RSRC1: variants seen among roughly 807,000 people sequenced by gnomAD.
The protein encoded by RSRC1 is arginine and serine rich coiled-coil 1.
A neutral mutation model predicts 49.1 loss-of-function variants in RSRC1; 39 were observed. The observed-to-expected ratio is 0.79, with a 90% CI of 0.61 to 1.04. The LOEUF (loss-of-function observed/expected upper bound fraction) is 1.04. Among genes scored for constraint, RSRC1 ranks in the 50% least tolerant of loss-of-function variants. RSRC1 has a pLI of 0.00. For missense variants in RSRC1, 388 were observed against 402.4 expected, an observed-to-expected ratio of 0.96 and a Z score of 0.31; for synonymous variants, 143 against 130.8, an observed-to-expected ratio of 1.09 and a Z score of -0.63.
chr3:158,381,217 CAG>C (rs1183583568), intron 6 of RSRC1, among the ~76,000 whole-genome samples: 2 of 152,098 alleles, frequency 1.3e-5, no homozygotes, highest in Admixed American at 6.5e-5. Context: ...GAAAGGGAAA[CAG>C]ATGTAAAGAT....
intron 6 of RSRC1, among the ~76,000 whole-genome samples, chr3:158,443,028 A>G (rs1736468863): frequency 6.6e-6 from 1 of 152,136 alleles, no homozygotes; most frequent in Non-Finnish European, 1.5e-5. Context: ...TCAAATAATC[A>G]TAAACCATGC....
Position 158,505,250 on chromosome 3 carries a change from G to A in RSRC1, c.653-31842G>A, listed in dbSNP as rs181015768. ...CTTTTTTATGAAGTAGTCTTCTGTG[G>A]GATTCATACTGCTTATAATTGTGAT... On this transcript the variant is annotated intron_variant, in intron 7 of 9. Transcript: ENST00000611884. Among the ~76,000 whole-genome samples, 15 of 152,118 alleles carry A rather than the reference G, an allele frequency of 9.9e-5. No homozygotes were observed. The East Asian group carries it at 2.7e-3, about 27-fold the overall frequency.
chr3:158,122,005 TA>T, intron 1 of RSRC1, 97 bp from the exon 2 acceptor site: 2 of 689,276 alleles, frequency 2.9e-6, no homozygotes, highest in Non-Finnish European at 4.3e-6. Flanking sequence ...ACCCCATCTC[TA>T]AAATAAATAA....
chr3:158,203,309 T>G (rs1721178673), intron 4 of RSRC1, 64 bp downstream of exon 4: 2 of 1,489,200 alleles, frequency 1.3e-6, no homozygotes, highest in African/African-American at 1.4e-5. Flanking sequence ...TCAAACTAAA[T>G]TTTTGTTCTC....
chr3:158,217,130 T>C (rs899106517), intron 4 of RSRC1, among the ~76,000 whole-genome samples: 1 of 151,354 alleles, frequency 6.6e-6, no homozygotes, highest in Non-Finnish European at 1.5e-5. Flanking sequence ...AATTAAAAGA[T>C]GTGATCAAAG....
At chr3:158,324,149 G>C (rs1232519199) in intron 5 of RSRC1, among the ~76,000 whole-genome samples, 1 of 151,926 alleles carries the variant, frequency 6.6e-6, no homozygotes, top group African/African-American at 2.4e-5. Context: ...TTTCTCTATT[G>C]TTAGGAACTT....
chr3:158,475,453 G>A (rs528574526), intron 7 of RSRC1, among the ~76,000 whole-genome samples: 4 of 152,212 alleles, frequency 2.6e-5, no homozygotes, highest in African/African-American at 9.6e-5. Flanking sequence ...ACAGATTGAA[G>A]GTTTGTAGCA....
intron 6 of RSRC1, among the ~76,000 whole-genome samples, chr3:158,380,386 G>A (rs571662444): frequency 6.6e-6 from 1 of 152,110 alleles, no homozygotes; most frequent in Admixed American, 6.5e-5. Flanking sequence ...CTTGAGCCCA[G>A]GAGTTCAAGG....
chr3:158,371,605 A>C (rs2108267180), intron 6 of RSRC1, among the ~76,000 whole-genome samples: 1 of 151,982 alleles, frequency 6.6e-6, no homozygotes, highest in Non-Finnish European at 1.5e-5. Flanking sequence ...CATTGTGTGA[A>C]TTAGTTAATT....
At chr3:158,439,186 AG>A (rs1465607165) in intron 6 of RSRC1, among the ~76,000 whole-genome samples, 2 of 152,188 alleles carry the variant, frequency 1.3e-5, no homozygotes, top group African/African-American at 2.4e-5. Context: ...GAGGATGTGG[AG>A]AAATAGGAAC....
At chr3:158,321,518 G>A (rs868776581) in intron 5 of RSRC1, among the ~76,000 whole-genome samples, 4 of 150,564 alleles carry the variant, frequency 2.7e-5, no homozygotes, top group Non-Finnish European at 4.4e-5. Flanking sequence ...TAATTTTAAT[G>A]CTACCATTTT....
At chr3:158,290,796 A>G (rs897660130) in intron 4 of RSRC1, among the ~76,000 whole-genome samples, 5 of 152,246 alleles carry the variant, frequency 3.3e-5, no homozygotes, top group African/African-American at 1.2e-4. Flanking sequence ...AAAAAAATAC[A>G]AAATTAACTA....
At chr3:158,203,661 G>T (rs545282303) in intron 4 of RSRC1, among the ~76,000 whole-genome samples, 1 of 152,248 alleles carries the variant, frequency 6.6e-6, no homozygotes, top group South Asian at 2.1e-4. Context: ...TAGCGGAAAA[G>T]TATAAAGTTG....
intron 7 of RSRC1, 136 bp downstream of exon 7, chr3:158,461,139 A>G (rs113895691): frequency 0.014 from 6,849 of 494,130 alleles, 71 homozygotes; most frequent in Non-Finnish European, 0.019. Flanking sequence ...ACAATAGCAC[A>G]CTATATTCAT....
At chr3:158,497,068 T>C (rs1225283537) in intron 7 of RSRC1, 2 of 152,224 alleles carry the variant, frequency 1.3e-5, no homozygotes, top group African/African-American at 4.8e-5. Context: ...AAATAATACA[T>C]AAGAAATCTT....
intron 5 of RSRC1, among the ~76,000 whole-genome samples, chr3:158,347,834 A>G (rs544358743): frequency 2.6e-4 from 40 of 152,302 alleles, no homozygotes; most frequent in African/African-American, 9.4e-4. Flanking sequence ...GATTACAGGC[A>G]TGAGTCACCA....
chr3:158,518,574 A>T (rs1400459775), intron 7 of RSRC1, among the ~76,000 whole-genome samples: 1 of 152,120 alleles, frequency 6.6e-6, no homozygotes, highest in Admixed American at 6.6e-5. Context: ...TTTATCATAT[A>T]TCCATATCCT....
At chr3:158,419,264 G>A (rs2108334419) in intron 6 of RSRC1, among the ~76,000 whole-genome samples, 1 of 151,956 alleles carries the variant, frequency 6.6e-6, no homozygotes, top group Middle Eastern at 3.4e-3. Flanking sequence ...GAGATACCAG[G>A]GTCTTCCTGA....
chr3:158,364,173 A>G (rs973732964), intron 6 of RSRC1, among the ~76,000 whole-genome samples: 1 of 152,212 alleles, frequency 6.6e-6, no homozygotes, highest in Non-Finnish European at 1.5e-5. Context: ...TGTAATTCAA[A>G]GAATTACAAA....
Sources: allele counts gnomAD v4.1 joint callset (sites outside exome capture counted in the v4.1 genomes callset), GRCh38; gene constraint gnomAD v4.1.1; transcripts MANE v1.5; gene names NCBI Gene and HGNC (gene_info 2026-07-23, HGNC 2026-07-21).